Variants in NCAPH2 observed in about 807,000 individuals in gnomAD.
The protein encoded by NCAPH2 is non-SMC condensin II complex subunit H2, also known as condensin-2 complex subunit H2.
In NCAPH2, 56 loss-of-function variants were observed where a neutral mutation model predicts 88.6. That is an observed-to-expected ratio of 0.63 (90% confidence interval 0.51 to 0.79). The LOEUF is 0.79. NCAPH2 is among the 30% of genes least tolerant of loss of function. The probability of loss-of-function intolerance (pLI) is 0.00; values close to 1 mark genes in which losing one functional copy is unlikely to be tolerated. For synonymous variants in NCAPH2, 378 were observed against 313.6 expected (o/e 1.21, Z -2.17); for missense variants, 794 against 792.0 (o/e 1.00, Z -0.03).
intron 12 of NCAPH2, 68 bp from the exon 13 acceptor site, chr22:50,521,918 T>C: frequency 6.2e-7 from 1 of 1,613,444 alleles, no homozygotes; most frequent in Admixed American, 1.7e-5. Context: ...TGGAGGAGGA[T>C]CAGCACCCTT....
At chr22:50,508,920 G>A (rs1027314546) in intron 1 of NCAPH2, among the ~76,000 whole-genome samples, 1 of 152,176 alleles carries the variant, frequency 6.6e-6, no homozygotes, top group Non-Finnish European at 1.5e-5. Context: ...CTAGACCTGT[G>A]TTAAGCTGTC....
At chr22:50,522,088 C>T in intron 13 of NCAPH2, 49 bp downstream of exon 13, 2 of 1,613,352 alleles carry the variant, frequency 1.2e-6, no homozygotes, top group Non-Finnish European at 1.7e-6. Flanking sequence ...CTTCCCCTAC[C>T]TCTTCCCCCA....
chr22:50,517,956 C>T lies in NCAPH2; in HGVS notation c.421-17C>T, dbSNP rs1159049796. On this transcript the variant is annotated splice_polypyrimidine_tract_variant and intron_variant, in intron 5 of 19. Coordinates refer to ENST00000420993, the MANE Select transcript of NCAPH2 (RefSeq NM_152299.4). ...GTGGAAGGGTGCCTGGCTCACCCAC[C>T]CTTGGCCTCCATGCAGGAGGTCCTC... 3 of 1,611,928 alleles carry T rather than the reference C, an allele frequency of 1.9e-6. No homozygotes were observed. The highest frequency in any genetic ancestry group is 1.7e-4 in the Middle Eastern group (1 of 6,044).
chr22:50,520,684 G>A (rs867201406), intron 9 of NCAPH2: 26 of 312,182 alleles, frequency 8.3e-5, no homozygotes, highest in Non-Finnish European at 9.6e-5. Flanking sequence ...TCGGCCTCCC[G>A]AGTAGGTGGG....
chr22:50,511,008 G>A (rs889375616), intron 1 of NCAPH2, among the ~76,000 whole-genome samples: 4 of 151,016 alleles, frequency 2.6e-5, no homozygotes, highest in African/African-American at 4.9e-5. Flanking sequence ...CACCACACCC[G>A]GCTAATGTTT....
At chr22:50,516,821 A>G (rs1426429885) in intron 2 of NCAPH2, among the ~76,000 whole-genome samples, 2 of 152,160 alleles carry the variant, frequency 1.3e-5, no homozygotes, top group Middle Eastern at 3.2e-3. Context: ...CCAGGGTGCC[A>G]CCTGCACCCA....
rs781395133 is a variant in NCAPH2, at chr22:50,524,764, C to A, written c.*1389C>A. Reference sequence around the variant, plus strand: ...AACCACGTTATCTATTTGCAATAAACCCATTTCTTAAAAGGAGGTGGGTAA... The same window carrying A: ...AACCACGTTATCTATTTGCAATAAAACCATTTCTTAAAAGGAGGTGGGTAA... On this transcript the variant is annotated 3_prime_UTR_variant, in exon 20 of 20. Coordinates refer to ENST00000420993, the MANE Select transcript of NCAPH2 (RefSeq NM_152299.4). The A allele has an allele frequency of 5.6e-5, 26 of 465,954 alleles. No homozygotes were observed. Among genetic ancestry groups the A allele is most frequent in the Non-Finnish European group, 9.9e-5 (23 of 233,274 alleles). 28.9% of individuals were successfully genotyped at this position (465,954 alleles called of 1,614,324 possible).
chr22:50,518,435 C>T (rs1049982576), intron 7 of NCAPH2, among the ~76,000 whole-genome samples, 157 bp downstream of exon 7: 1 of 152,122 alleles, frequency 6.6e-6, no homozygotes, highest in African/African-American at 2.4e-5. Context: ...GCTCATCCCA[C>T]CCATCTGCTG....
chr22:50,518,858 C>T, intron 8 of NCAPH2, 126 bp downstream of exon 8: 1 of 993,696 alleles, frequency 1.0e-6, no homozygotes, highest in African/African-American at 1.6e-5. Flanking sequence ...TTCTGTGGCC[C>T]ATGGGAGTGA....
In NCAPH2 at chr22:50,517,672, T is replaced by C; in HGVS notation, c.351+11T>C. On this transcript the variant is annotated intron_variant, in intron 4 of 19. Coordinates refer to ENST00000420993, the MANE Select transcript of NCAPH2 (RefSeq NM_152299.4). ...GAGGCAGAGAATGAGGTGAGTTTCT[T>C]TGGCATGTGGTCCCCGCCCACTGTG... 2 of 1,614,128 alleles carry C rather than the reference T, an allele frequency of 1.2e-6. No individual in the cohort carries two copies. The highest frequency in any genetic ancestry group is 8.5e-7 in the Non-Finnish European group (1 of 1,180,022).
chr22:50,516,440 C>G lies in NCAPH2; in HGVS notation c.109-7C>G. 6.2e-7 allele frequency: 1 copy of G among 1,613,776 alleles called. No homozygotes were observed. The highest frequency in any genetic ancestry group is 1.7e-5 in the Admixed American group (1 of 60,022). ...GATTCCCCCTGTCTTTGTGTTGTTTCTTGCAGCTGGATCAGATCTGCATTT... is the reference window on the plus strand; with the variant it reads ...GATTCCCCCTGTCTTTGTGTTGTTTGTTGCAGCTGGATCAGATCTGCATTT... On this transcript the variant is annotated splice_region_variant and splice_polypyrimidine_tract_variant and intron_variant, in intron 1 of 19. Transcript: ENST00000420993.
chr22:50,523,627 C>A lies in NCAPH2; in HGVS notation c.*252C>A. On this transcript the variant is annotated 3_prime_UTR_variant, in exon 20 of 20. Transcript: ENST00000420993. ...TGCAGTGGCTCAAGACAGGACACTGCGGAAAGCCGCCATGTGCCGCCGCAC... is the reference window on the plus strand; with the variant it reads ...TGCAGTGGCTCAAGACAGGACACTGAGGAAAGCCGCCATGTGCCGCCGCAC... 6.2e-7 allele frequency: 1 copy of A among 1,613,536 alleles called. No individual in the cohort carries two copies. Among genetic ancestry groups the A allele is most frequent in the Non-Finnish European group, 8.5e-7 (1 of 1,180,028 alleles).
intron 1 of NCAPH2, among the ~76,000 whole-genome samples, chr22:50,512,553 T>TTG (rs1444673458): frequency 6.6e-6 from 1 of 150,562 alleles, no homozygotes; most frequent in Non-Finnish European, 1.5e-5. Context: ...GTTTTTTTTT[T>TTG]TTTGTTTTTT....
At position 50,524,687 on chromosome 22, in the gene NCAPH2, G is replaced by T; in HGVS notation, c.*1312G>T. ...CTGCCCTGCACCTGCACCTCAGCAA[G>T]GTGAACCTCTTGCTGACGGAAAGCA... is the stretch of plus-strand genomic sequence containing the variant. On this transcript the variant is annotated 3_prime_UTR_variant, in exon 20 of 20. Coordinates refer to ENST00000420993, the MANE Select transcript of NCAPH2 (RefSeq NM_152299.4). The T allele has an allele frequency of 3.0e-6, 2 of 669,262 alleles. No homozygotes were observed. The highest frequency in any genetic ancestry group is 3.0e-5 in the South Asian group (2 of 66,306). The allele number at this position is 669,262 out of a possible 1,614,324, so 41.5% of individuals were successfully genotyped here.
In NCAPH2 at chr22:50,508,275, GA is replaced by G; in HGVS notation, c.-62del. 1.6e-6 allele frequency: 2 copies of G among 1,249,852 alleles called. No homozygotes were observed. The highest frequency in any genetic ancestry group is 2.1e-6 in the Non-Finnish European group (2 of 933,292). 77.4% of individuals were successfully genotyped at this position (1,249,852 alleles called of 1,614,324 possible). On this transcript the variant is annotated 5_prime_UTR_variant, in exon 1 of 20. It removes the in-frame stop codon of an upstream open reading frame in the 5' UTR. Transcript: ENST00000420993. Reference sequence around the variant, plus strand: ...ATGGCGCCAGAACTAGTGGCGGGCTGAGGACGCCGTACCCCTCGGAAGGCAG... The same window carrying G: ...ATGGCGCCAGAACTAGTGGCGGGCTGGGACGCCGTACCCCTCGGAAGGCAG...
At chr22:50,516,272 C>T (rs2068919511) in intron 1 of NCAPH2, among the ~76,000 whole-genome samples, 175 bp from the exon 2 acceptor site, 1 of 152,134 alleles carries the variant, frequency 6.6e-6, no homozygotes, top group Non-Finnish European at 1.5e-5. Context: ...GGGGGAAACA[C>T]AGAGACCTGT....
Position 50,523,618 on chromosome 22 carries a change from A to G in NCAPH2, c.*243A>G. 2 of 1,613,426 alleles carry G rather than the reference A, an allele frequency of 1.2e-6. No individual in the cohort carries two copies. Among genetic ancestry groups the G allele is most frequent in the East Asian group, 2.2e-5 (1 of 44,882 alleles). On this transcript the variant is annotated 3_prime_UTR_variant, in exon 20 of 20. Transcript: ENST00000420993. The stretch of plus-strand genomic sequence containing the variant: ...GGCCCAGACTGCAGTGGCTCAAGAC[A>G]GGACACTGCGGAAAGCCGCCATGTG...
chr22:50,513,920 T>C (rs1603440677), intron 1 of NCAPH2, among the ~76,000 whole-genome samples: 2 of 152,148 alleles, frequency 1.3e-5, no homozygotes, highest in Non-Finnish European at 2.9e-5. Flanking sequence ...AATGTTTAGC[T>C]CCAGGTGGAG....
chr22:50,518,421 T>C (rs2068990381), intron 7 of NCAPH2, 143 bp downstream of exon 7: 2 of 1,284,782 alleles, frequency 1.6e-6, no homozygotes, highest in Non-Finnish European at 2.1e-6. Context: ...ACAGGTTGGC[T>C]GGTGCTCATC....
Sources: gnomAD v4.1 joint callset for allele counts (sites outside exome capture counted in the v4.1 genomes callset) on GRCh38, gnomAD v4.1.1 for gene constraint, MANE v1.5 for transcripts, NCBI Gene and HGNC (gene_info 2026-07-23, HGNC 2026-07-21) for gene names.